Variants in COBL observed in about 807,000 individuals in gnomAD.
COBL encodes protein cordon-bleu.
Under a neutral mutation model 98.8 loss-of-function variants are expected in COBL, and 51 were observed. That is an observed-to-expected ratio of 0.52 (90% CI 0.41 to 0.65). The LOEUF (loss-of-function observed/expected upper bound fraction) is 0.65, where lower values mean the gene tolerates loss of function less well. COBL is among the 30% of genes least tolerant of loss of function. The pLI, the probability that COBL is intolerant of heterozygous loss-of-function variation, is 0.00. For missense variants in COBL, 1,617 were observed against 1,617.5 expected (o/e 1.00, Z 0.01); for synonymous variants, 634 against 651.7 (o/e 0.97, Z 0.41).
intron 1 of COBL, among the ~76,000 whole-genome samples, chr7:51,227,882 GA>G (rs1270969514): frequency 3.3e-5 from 5 of 152,132 alleles, no homozygotes; most frequent in African/African-American, 1.2e-4. Flanking sequence ...CGGAAAGCCA[GA>G]AAAACAGTCA....
intron 1 of COBL, among the ~76,000 whole-genome samples, chr7:51,250,402 G>A (rs1475633608): frequency 6.6e-6 from 1 of 152,160 alleles, no homozygotes; most frequent in Non-Finnish European, 1.5e-5. Flanking sequence ...ATTAAAGTTT[G>A]AAAATAAAAA....
At chr7:51,314,963 T>C (rs1050576111) in intron 1 of COBL, among the ~76,000 whole-genome samples, 6 of 152,222 alleles carry the variant, frequency 3.9e-5, no homozygotes, top group African/African-American at 1.4e-4. Context: ...ACTTCTATCA[T>C]TAGACTCCCT....
At chr7:51,222,465 G>A (rs1220174620) in intron 1 of COBL, among the ~76,000 whole-genome samples, 1 of 152,166 alleles carries the variant, frequency 6.6e-6, no homozygotes, top group Non-Finnish European at 1.5e-5. Flanking sequence ...CTGAAAGTGT[G>A]AGCACACCTT....
intron 7 of COBL, among the ~76,000 whole-genome samples, chr7:51,084,072 T>C (rs1326187344): frequency 1.3e-5 from 2 of 152,142 alleles, no homozygotes; most frequent in Non-Finnish European, 2.9e-5. Flanking sequence ...TTCAGTCCTT[T>C]GGGAAAGAGG....
At chr7:51,137,562 A>G (rs933157064) in intron 5 of COBL, among the ~76,000 whole-genome samples, 1 of 151,100 alleles carries the variant, frequency 6.6e-6, no homozygotes, top group Non-Finnish European at 1.5e-5. Context: ...GTGTCATTGG[A>G]AGACAGAGTG....
intron 1 of COBL, among the ~76,000 whole-genome samples, chr7:51,230,767 C>T (rs1794665772): frequency 1.3e-5 from 2 of 152,248 alleles, no homozygotes; most frequent in Non-Finnish European, 2.9e-5. Context: ...AACTTCAAGG[C>T]TATTTCCACC....
intron 5 of COBL, among the ~76,000 whole-genome samples, chr7:51,137,576 T>G (rs1285309779): frequency 7.3e-6 from 1 of 137,430 alleles, no homozygotes; most frequent in East Asian, 2.0e-4. Context: ...CAGAGTGAGA[T>G]CCCACTTCTT....
At chr7:51,245,060 A>C (rs1444384537) in intron 1 of COBL, among the ~76,000 whole-genome samples, 5 of 151,950 alleles carry the variant, frequency 3.3e-5, no homozygotes, top group Admixed American at 3.3e-4. Context: ...GGAGCCCTAC[A>C]CCCAATGTCC....
At chr7:51,198,468 CTGA>C (rs1790798534) in intron 2 of COBL, among the ~76,000 whole-genome samples, 1 of 152,086 alleles carries the variant, frequency 6.6e-6, no homozygotes, top group African/African-American at 2.4e-5. Context: ...CTTGGAGAAT[CTGA>C]TGATTATGTA....
At chr7:51,178,937 T>C (rs1178987747) in intron 5 of COBL, among the ~76,000 whole-genome samples, 1 of 152,196 alleles carries the variant, frequency 6.6e-6, no homozygotes. Flanking sequence ...AGAGTAAATG[T>C]TTTTGCTTTT....
chr7:51,289,309 A>G (rs962208167), intron 1 of COBL, among the ~76,000 whole-genome samples: 1 of 151,674 alleles, frequency 6.6e-6, no homozygotes, highest in Admixed American at 6.6e-5. Context: ...CTCCTAAGTC[A>G]CCTCCCAAGT....
chr7:51,039,507 G>C lies in COBL; in HGVS notation c.1406+3876C>G, dbSNP rs1013242139. 2.6e-5 allele frequency among the ~76,000 whole-genome samples: 4 copies of C among 152,238 alleles called. No individual in the cohort carries two copies. In the East Asian group the frequency reaches 5.8e-4, roughly 22 times the overall value. On this transcript the variant is annotated intron_variant, in intron 8 of 12. Transcript: ENST00000265136. Reference sequence around the variant, plus strand: ...CCACCCCTGTGCTGCCTAGGCTTTCGACAGGGTTCACTCCAGATGTGAATG... The same window carrying C: ...CCACCCCTGTGCTGCCTAGGCTTTCCACAGGGTTCACTCCAGATGTGAATG...
chr7:51,109,167 C>T (rs1796608291), intron 6 of COBL, among the ~76,000 whole-genome samples: 1 of 152,188 alleles, frequency 6.6e-6, no homozygotes, highest in Non-Finnish European at 1.5e-5. Flanking sequence ...TTTCTGCACA[C>T]TCTCGGGCTG....
At chr7:51,112,172 T>C (rs2128978617) in intron 6 of COBL, among the ~76,000 whole-genome samples, 1 of 152,286 alleles carries the variant, frequency 6.6e-6, no homozygotes, top group South Asian at 2.1e-4. Context: ...GAGGAGAAAC[T>C]AGAATGCCAT....
intron 12 of COBL, among the ~76,000 whole-genome samples, chr7:51,024,120 TAACACAGTGA>T (rs1309361940): frequency 1.3e-5 from 2 of 151,998 alleles, no homozygotes; most frequent in African/African-American, 4.8e-5. Context: ...CCATCCTGGC[TAACACAGTGA>T]AACTCCATCT....
At chr7:51,235,864 C>A (rs543140864) in intron 1 of COBL, among the ~76,000 whole-genome samples, 1 of 152,198 alleles carries the variant, frequency 6.6e-6, no homozygotes, top group African/African-American at 2.4e-5. Flanking sequence ...CTACCCACCC[C>A]CTCCTGCACT....
At chr7:51,155,942 CAGAG>C (rs1373433996) in intron 5 of COBL, among the ~76,000 whole-genome samples, 2 of 152,118 alleles carry the variant, frequency 1.3e-5, no homozygotes, top group Non-Finnish European at 2.9e-5. Context: ...AAGCAAAACA[CAGAG>C]AGATCAAGGA....
chr7:51,025,452 A>G, intron 11 of COBL, 80 bp from the exon 12 acceptor site: 1 of 1,458,184 alleles, frequency 6.9e-7, no homozygotes, highest in African/African-American at 1.4e-5. Context: ...CGCCCAAGGT[A>G]GTGGCATGAG....
At chr7:51,299,881 T>C (rs1801763902) in intron 1 of COBL, among the ~76,000 whole-genome samples, 1 of 152,190 alleles carries the variant, frequency 6.6e-6, no homozygotes, top group African/African-American at 2.4e-5. Flanking sequence ...GCACCATCAA[T>C]GACCATGCAC....
Sources: allele counts gnomAD v4.1 joint callset (sites outside exome capture counted in the v4.1 genomes callset), GRCh38; gene constraint gnomAD v4.1.1; transcripts MANE v1.5; gene names NCBI Gene and HGNC (gene_info 2026-07-23, HGNC 2026-07-21).